DNM3: variants seen among roughly 807,000 people sequenced by gnomAD.
DNM3 encodes dynamin-3.
Under a neutral mutation model 101.6 loss-of-function variants are expected in DNM3, and 47 were observed. The observed-to-expected ratio is 0.46, with a 90% CI of 0.37 to 0.59. DNM3 has a LOEUF of 0.59. Among genes scored for constraint, DNM3 ranks in the 20% least tolerant of loss-of-function variants. The pLI, the probability that DNM3 is intolerant of heterozygous loss-of-function variation, is 0.00. For synonymous variants in DNM3, 385 were observed against 387.9 expected (o/e 0.99, Z 0.09); for missense variants, 849 against 1,085.7 (o/e 0.78, Z 3.06).
chr1:172,152,588 C>T (rs1254449661), intron 14 of DNM3, among the ~76,000 whole-genome samples: 1 of 152,022 alleles, frequency 6.6e-6, no homozygotes, highest in Non-Finnish European at 1.5e-5. Context: ...TTTTAGATTG[C>T]ATGTTGTAGA....
intron 9 of DNM3, among the ~76,000 whole-genome samples, chr1:172,047,621 G>A (rs757903802): frequency 4.6e-5 from 7 of 152,114 alleles, no homozygotes; most frequent in Non-Finnish European, 8.8e-5. Context: ...TCTGTACCTC[G>A]TTCAGAGAAA....
chr1:172,334,384 C>G (rs1391286774), intron 17 of DNM3, among the ~76,000 whole-genome samples: 1 of 152,144 alleles, frequency 6.6e-6, no homozygotes, highest in Non-Finnish European at 1.5e-5. Flanking sequence ...GAAGTTACAA[C>G]TGGCATTTAG....
intron 14 of DNM3, among the ~76,000 whole-genome samples, chr1:172,181,803 GTTT>G (rs71688883): frequency 1.4e-5 from 2 of 138,072 alleles, no homozygotes; most frequent in African/African-American, 5.5e-5. Flanking sequence ...TGAAGACAGG[GTTT>G]TTTTTTTTTT....
At chr1:172,276,428 G>A (rs1440882314) in intron 15 of DNM3, among the ~76,000 whole-genome samples, 1 of 151,982 alleles carries the variant, frequency 6.6e-6, no homozygotes, top group Non-Finnish European at 1.5e-5. Context: ...ACAGGAAGAA[G>A]TTTGAAATGC....
At chr1:171,981,958 A>C (rs1007333768) in intron 2 of DNM3, among the ~76,000 whole-genome samples, 6 of 152,180 alleles carry the variant, frequency 3.9e-5, no homozygotes, top group African/African-American at 1.4e-4. Context: ...GATTTAATGC[A>C]CTGACTACTC....
intron 10 of DNM3, among the ~76,000 whole-genome samples, chr1:172,058,035 G>T (rs904719985): frequency 1.4e-5 from 2 of 140,072 alleles, no homozygotes; most frequent in Non-Finnish European, 3.1e-5. Flanking sequence ...AAAAGGCAGG[G>T]GTTGCAATCC....
At chr1:172,234,488 C>G (rs533058984) in intron 14 of DNM3, among the ~76,000 whole-genome samples, 1 of 152,188 alleles carries the variant, frequency 6.6e-6, no homozygotes, top group South Asian at 2.1e-4. Context: ...AATGCCATCC[C>G]CATCAAGCTA....
intron 14 of DNM3, among the ~76,000 whole-genome samples, chr1:172,175,157 G>A (rs1389151080): frequency 6.6e-6 from 1 of 151,654 alleles, no homozygotes. Context: ...TGTTCACACG[G>A]GAGACAAGGA....
intron 12 of DNM3, among the ~76,000 whole-genome samples, chr1:172,086,835 C>T (rs1041739804): frequency 3.3e-5 from 5 of 150,860 alleles, no homozygotes; most frequent in East Asian, 2.0e-4. Flanking sequence ...ATGGAACTAT[C>T]GTATAATCTG....
At chr1:172,070,501 G>C (rs1255585858) in intron 11 of DNM3, among the ~76,000 whole-genome samples, 1 of 152,114 alleles carries the variant, frequency 6.6e-6, no homozygotes, top group Non-Finnish European at 1.5e-5. Flanking sequence ...GAAAATATAG[G>C]ATAATTATTT....
Position 171,966,258 on chromosome 1 carries a change from G to A in DNM3, c.236-21398G>A, listed in dbSNP as rs183465590. Reference sequence around the variant, plus strand: ...GATGGTGCCCAGTCTACTCCCACAGGCTTGAGCTTTCTCTGGCCTAAGCCA... The same window carrying A: ...GATGGTGCCCAGTCTACTCCCACAGACTTGAGCTTTCTCTGGCCTAAGCCA... On this transcript the variant is annotated intron_variant, in intron 2 of 20. Transcript: ENST00000627582. 1.3e-3 allele frequency among the ~76,000 whole-genome samples: 195 copies of A among 152,236 alleles called. No individual in the cohort carries two copies. The Middle Eastern group carries it at 0.031, about 24-fold the overall frequency.
intron 14 of DNM3, among the ~76,000 whole-genome samples, chr1:172,193,093 A>G (rs959824036): frequency 4.6e-5 from 7 of 151,584 alleles, no homozygotes; most frequent in Non-Finnish European, 7.4e-5. Flanking sequence ...ATGGTATCTC[A>G]TTGTGGTTTT....
At chr1:171,855,079 G>A (rs1436666169) in intron 1 of DNM3, among the ~76,000 whole-genome samples, 2 of 151,974 alleles carry the variant, frequency 1.3e-5, no homozygotes, top group Non-Finnish European at 2.9e-5. Context: ...TTTCCTTTGT[G>A]TTTATGAATT....
chr1:172,211,573 T>G (rs2060515874), intron 14 of DNM3, among the ~76,000 whole-genome samples: 1 of 152,138 alleles, frequency 6.6e-6, no homozygotes, highest in African/African-American at 2.4e-5. Context: ...AGAATATGCT[T>G]TTCTTATGTT....
chr1:171,892,629 T>C (rs1016491862), intron 1 of DNM3, among the ~76,000 whole-genome samples: 18 of 152,240 alleles, frequency 1.2e-4, no homozygotes, highest in Non-Finnish European at 2.6e-4. Context: ...TGTTCATTTA[T>C]GTATACATGT....
intron 11 of DNM3, among the ~76,000 whole-genome samples, 190 bp downstream of exon 11, chr1:172,069,095 TA>T: frequency 6.6e-6 from 1 of 152,296 alleles, no homozygotes; most frequent in Non-Finnish European, 1.5e-5. Context: ...TTGTTTATGT[TA>T]AAAATATGAG....
intron 14 of DNM3, among the ~76,000 whole-genome samples, chr1:172,250,029 T>C (rs2062107970): frequency 6.6e-6 from 1 of 152,196 alleles, no homozygotes; most frequent in African/African-American, 2.4e-5. Context: ...GAGAGTTGAC[T>C]GAACATTCTA....
At chr1:171,912,650 C>A (rs2125283723) in intron 1 of DNM3, among the ~76,000 whole-genome samples, 1 of 152,262 alleles carries the variant, frequency 6.6e-6, no homozygotes, top group South Asian at 2.1e-4. Flanking sequence ...AAATCAGAAC[C>A]TTTTAAAGGA....
At chr1:172,330,424 G>A (rs1044508551) in intron 17 of DNM3, among the ~76,000 whole-genome samples, 1 of 152,010 alleles carries the variant, frequency 6.6e-6, no homozygotes, top group Admixed American at 6.6e-5. Context: ...CATAGGATGA[G>A]ATATATACAT....
Sources: allele counts gnomAD v4.1 joint callset (sites outside exome capture counted in the v4.1 genomes callset), GRCh38; gene constraint gnomAD v4.1.1; transcripts MANE v1.5; gene names NCBI Gene and HGNC (gene_info 2026-07-23, HGNC 2026-07-21).